Variants in TMEM165 observed in about 807,000 individuals in gnomAD.
TMEM165 encodes putative divalent cation/proton antiporter TMEM165.
In TMEM165, 19 loss-of-function variants were observed where a neutral mutation model predicts 30.0. That is an observed-to-expected ratio of 0.63 (90% CI 0.44 to 0.93). TMEM165 has a LOEUF of 0.93. TMEM165 is among the 40% of genes least tolerant of loss of function. The probability of loss-of-function intolerance (pLI) is 0.00; values close to 1 mark genes in which losing one functional copy is unlikely to be tolerated. For missense variants in TMEM165, 340 were observed against 417.0 expected, an observed-to-expected ratio of 0.82 and a Z score of 1.61; for synonymous variants, 168 against 162.9, an observed-to-expected ratio of 1.03 and a Z score of -0.24.
chr4:55,405,390 C>A (rs1417310899), intron 1 of TMEM165, among the ~76,000 whole-genome samples: 1 of 152,134 alleles, frequency 6.6e-6, no homozygotes, highest in Non-Finnish European at 1.5e-5. Flanking sequence ...AGGCTGTCAA[C>A]CTTGAGGCTA....
At chr4:55,431,146 ATGT>A (rs1452757108), downstream of TMEM165, 6 of 152,304 alleles carry the variant, frequency 3.9e-5, no homozygotes, top group Non-Finnish European at 7.4e-5. Flanking sequence ...AGACTGTGGT[ATGT>A]TGTTTTAAAA....
At chr4:55,403,302 C>T in intron 1 of TMEM165, 2 of 1,276,760 alleles carry the variant, frequency 1.6e-6, no homozygotes, top group Non-Finnish European at 2.0e-6. Flanking sequence ...TTCATCTTCT[C>T]TAGTTTCATC....
chr4:55,432,813 A>G (rs1722609092), intron 3 of TMEM165: 1 of 152,230 alleles, frequency 6.6e-6, no homozygotes, highest in African/African-American at 2.4e-5. Context: ...TGCGAAGAAC[A>G]GTAAGAATCA....
chr4:55,420,044 C>T (rs1362915013), intron 4 of TMEM165, among the ~76,000 whole-genome samples: 18 of 143,446 alleles, frequency 1.3e-4, no homozygotes, highest in Admixed American at 1.2e-3. Flanking sequence ...TGCAGTGAGC[C>T]GAGATGGTGC....
chr4:55,408,654 T>A (rs1578234171), intron 1 of TMEM165, among the ~76,000 whole-genome samples: 4 of 152,164 alleles, frequency 2.6e-5, no homozygotes, highest in Admixed American at 2.6e-4. Flanking sequence ...TATCCCTACA[T>A]TTTACAGAGG....
chr4:55,412,989 T>A (rs1721577163), intron 2 of TMEM165, among the ~76,000 whole-genome samples: 1 of 148,930 alleles, frequency 6.7e-6, no homozygotes, highest in South Asian at 2.1e-4. Context: ...ATTTATTTAT[T>A]TTTTTTTAGA....
In TMEM165 at chr4:55,396,504, G is replaced by A. The variant is rs908382270; in HGVS notation, c.207+108G>A. The A allele has an allele frequency of 1.5e-4, 147 of 1,000,864 alleles. 1 individual carries two copies. The highest frequency in any genetic ancestry group is 3.6e-4 in the South Asian group (16 of 44,094). 62.0% of individuals were successfully genotyped at this position (1,000,864 alleles called of 1,614,324 possible). The stretch of plus-strand genomic sequence containing the variant: ...CTCCGCCGGCCTCGGCTGGGGGAGG[G>A]GAGCCCGGCCCCTGCTCCCGGGGTG... On this transcript the variant is annotated intron_variant, in intron 1 of 5. Coordinates refer to ENST00000381334, the MANE Select transcript of TMEM165 (RefSeq NM_018475.5).
At chr4:55,410,683 C>G (rs1019190501) in intron 1 of TMEM165, among the ~76,000 whole-genome samples, 2 of 152,230 alleles carry the variant, frequency 1.3e-5, no homozygotes, top group African/African-American at 4.8e-5. Flanking sequence ...GTTTGTGGGT[C>G]TTACTCTGTC....
intron 1 of TMEM165, chr4:55,403,228 T>G (rs1054214917): frequency 1.6e-6 from 2 of 1,286,592 alleles, no homozygotes; most frequent in South Asian, 1.2e-5. Flanking sequence ...GTTTCTGTTT[T>G]TTTGCAGGGA....
intron 1 of TMEM165, among the ~76,000 whole-genome samples, chr4:55,401,098 A>G (rs1720977385): frequency 6.6e-6 from 1 of 150,624 alleles, no homozygotes; most frequent in South Asian, 2.1e-4. Flanking sequence ...TAGGCATTCA[A>G]GTGGAAGATA....
intron 2 of TMEM165, among the ~76,000 whole-genome samples, chr4:55,414,073 C>T (rs1721624836): frequency 6.6e-6 from 1 of 152,048 alleles, no homozygotes; most frequent in South Asian, 2.1e-4. Context: ...TCGAGGCCAT[C>T]CTGGCTAACA....
chr4:55,403,812 A>G (rs62303681), intron 1 of TMEM165, among the ~76,000 whole-genome samples: 34,764 of 151,950 alleles, frequency 0.23, 4,542 homozygotes, highest in South Asian at 0.37. Context: ...TGCCTTTTTC[A>G]TGTTTTGGAC....
intron 3 of TMEM165, chr4:55,449,018 T>C: frequency 1.5e-6 from 1 of 669,506 alleles, no homozygotes; most frequent in South Asian, 1.8e-5. Context: ...TTCTCATCTA[T>C]ATTGGAAAGG....
chr4:55,396,163 C>T lies in TMEM165; in HGVS notation c.-27C>T, dbSNP rs967437309. 3.0e-6 allele frequency: 4 copies of T among 1,342,662 alleles called. No individual in the cohort carries two copies. Among genetic ancestry groups the T allele is most frequent in the Middle Eastern group, 2.4e-4 (1 of 4,098 alleles). The allele number at this position is 1,342,662 out of a possible 1,614,324, so 83.2% of individuals were successfully genotyped here. On this transcript the variant is annotated 5_prime_UTR_variant, in exon 1 of 6. Coordinates refer to ENST00000381334, the MANE Select transcript of TMEM165 (RefSeq NM_018475.5). ...TCGCCGGCACTTCCTCTTGCGGCGC[C>T]CGTGCGCGGCCGGCCCGGCAGGCGG...
chr4:55,402,119 C>CAAAAAA (rs71194551), intron 1 of TMEM165, among the ~76,000 whole-genome samples: 59,601 of 105,480 alleles, frequency 0.57, 17,121 homozygotes, highest in South Asian at 0.74. Context: ...ACTCTGTCTC[C>CAAAAAA]AAAAAAAAAA....
At chr4:55,430,789 C>G (rs1469367881), downstream of TMEM165, 1 of 152,150 alleles carries the variant, frequency 6.6e-6, no homozygotes, top group African/African-American at 2.4e-5. Context: ...TGCAATTTTC[C>G]TAGACCTCTG....
At chr4:55,437,038 T>C (rs1437153867) in intron 3 of TMEM165, among the ~76,000 whole-genome samples, 2 of 152,172 alleles carry the variant, frequency 1.3e-5, no homozygotes, top group African/African-American at 2.4e-5. Flanking sequence ...CCCTACATAA[T>C]AATTTAGAAC....
At chr4:55,420,143 T>A (rs2056466) in intron 4 of TMEM165, among the ~76,000 whole-genome samples, 6,834 of 44,740 alleles carry the variant, frequency 0.15, 1,105 homozygotes, top group East Asian at 0.44. Context: ...ATTTATTTAT[T>A]TATTTTATTT....
chr4:55,403,089 C>T (rs2109526892), intron 1 of TMEM165: 1 of 345,272 alleles, frequency 2.9e-6, no homozygotes, highest in South Asian at 2.6e-5. Flanking sequence ...CACACCCGGC[C>T]CCTAAAAAAA....
Sources: gnomAD v4.1 joint callset for allele counts (sites outside exome capture counted in the v4.1 genomes callset) on GRCh38, gnomAD v4.1.1 for gene constraint, MANE v1.5 for transcripts, NCBI Gene and HGNC (gene_info 2026-07-23, HGNC 2026-07-21) for gene names.